DENND3: variants seen among roughly 807,000 people sequenced by gnomAD.
The protein encoded by DENND3 is DENN domain-containing protein 3.
Under a neutral mutation model 135.1 loss-of-function variants are expected in DENND3, and 88 were observed. That is an observed-to-expected ratio of 0.65 (90% CI 0.55 to 0.78). The LOEUF is 0.78. DENND3 is among the 30% of genes least tolerant of loss of function. The pLI is 0.00. For synonymous variants in DENND3, 693 were observed against 712.3 expected (o/e 0.97, Z 0.43); for missense variants, 1,392 against 1,688.4 (o/e 0.82, Z 3.08).
Position 141,172,088 on chromosome 8 carries a change from G to A in DENND3, c.2276-3112G>A, listed in dbSNP as rs753969262. ...GGCACGCTGCATAGGGTGGGTGTGC[G>A]CAGTGGTGGTGGGTGTGCACGGTGG... On this transcript the variant is annotated intron_variant, in intron 13 of 22. Transcript: ENST00000519811. Among the ~76,000 whole-genome samples the A allele has an allele frequency of 8.7e-4, 125 of 143,112 alleles. 4 individuals carry two copies. Among genetic ancestry groups the A allele is most frequent in the South Asian group, 6.9e-4 (3 of 4,360 alleles). 93.9% of individuals were successfully genotyped at this position (143,112 alleles called of 152,430 possible). A position where few individuals can be genotyped will look rare whatever the true frequency, so the allele number is the denominator to read the frequency against.
Position 141,141,068 on chromosome 8 carries a change from C to T in DENND3, c.502-135C>T. 7.3e-7 allele frequency: 1 copy of T among 1,375,702 alleles called. No individual in the cohort carries two copies. 85.2% of individuals were successfully genotyped at this position (1,375,702 alleles called of 1,614,324 possible). A position where few individuals can be genotyped will look rare whatever the true frequency, so the allele number is the denominator to read the frequency against. On this transcript the variant is annotated intron_variant, in intron 3 of 22. Transcript: ENST00000519811. This position sits in a 1 kb window ranked among gnomAD's most constrained non-coding sequence, Gnocchi z 5.3. ...GTAGACTTCGACCGGAGGGCCGGTG[C>T]TGGCTTGGACGCGTTGCAGGGGTGG...
intron 4 of DENND3, chr8:141,143,843 C>T (rs1202651202): frequency 3.8e-6 from 1 of 266,478 alleles, no homozygotes; most frequent in Non-Finnish European, 7.1e-6. Flanking sequence ...GACAAACGCA[C>T]AAATTCCAGT....
Position 141,141,325 on chromosome 8 carries a change from G to C in DENND3, c.623+1G>C, listed in dbSNP as rs751216203. On this transcript the variant is annotated splice_donor_variant, in intron 4 of 22. Coordinates refer to ENST00000519811, the MANE Select transcript of DENND3 (RefSeq NM_001352890.3). LOFTEE classifies it high-confidence loss of function. The surrounding 1 kb of genome is among the most constrained non-coding windows in gnomAD (Gnocchi z 5.3). ...ACTCCCTCAAGGACTGCCTTTCCTG[G>C]TGAGCTGGGGCACCGGGGGCCAGGG... 1 of 1,613,254 alleles carries C rather than the reference G, an allele frequency of 6.2e-7. No individual in the cohort carries two copies. The highest frequency in any genetic ancestry group is 8.5e-7 in the Non-Finnish European group (1 of 1,179,948).
chr8:141,141,089 G>T lies in DENND3; in HGVS notation c.502-114G>T. On this transcript the variant is annotated intron_variant, in intron 3 of 22. Coordinates refer to ENST00000519811, the MANE Select transcript of DENND3 (RefSeq NM_001352890.3). This position sits in a 1 kb window ranked among gnomAD's most constrained non-coding sequence, Gnocchi z 5.3. ...GGTGCTGGCTTGGACGCGTTGCAGG[G>T]GTGGGGATGGTGGACTCTCAGCTTG... The T allele has an allele frequency of 6.6e-7, 1 of 1,524,452 alleles. No individual in the cohort carries two copies. The highest frequency in any genetic ancestry group is 9.0e-7 in the Non-Finnish European group (1 of 1,114,556). The allele number at this position is 1,524,452 out of a possible 1,614,324, so 94.4% of individuals were successfully genotyped here.
intron 22 of DENND3, 120 bp downstream of exon 22, chr8:141,192,783 G>A (rs1236664526): frequency 6.3e-7 from 1 of 1,598,262 alleles, no homozygotes; most frequent in Admixed American, 1.7e-5. Context: ...CGCCTCTCAG[G>A]GTTCCCCTCC....
chr8:141,135,199 C>T lies in DENND3; in HGVS notation c.103-1310C>T, dbSNP rs531973241. ...CCAGGTCTTGCTCTTTCACCCAGGC[C>T]GGAGCGCAGTGGTGTGATCACAGCT... On this transcript the variant is annotated intron_variant, in intron 1 of 22. Transcript: ENST00000519811. Among the ~76,000 whole-genome samples, 99 of 150,194 alleles carry T rather than the reference C, an allele frequency of 6.6e-4. 1 individual carries two copies. The highest frequency in any genetic ancestry group is 1.1e-3 in the Admixed American group (16 of 15,088).
In DENND3 at chr8:141,137,686, A is replaced by G. The variant is rs1396467532; in HGVS notation, c.386-336A>G. Among the ~76,000 whole-genome samples, 1 of 152,194 alleles carries G rather than the reference A, an allele frequency of 6.6e-6. No homozygotes were observed. Among genetic ancestry groups the G allele is most frequent in the Non-Finnish European group, 1.5e-5 (1 of 68,036 alleles). ...CCGAGGTAGGAAACTCAGACGAAGC[A>G]CCTAGCATAAGCACCCACCTCAGAA... is the stretch of plus-strand genomic sequence containing the variant. On this transcript the variant is annotated intron_variant, in intron 2 of 22. Transcript: ENST00000519811. This position sits in a 1 kb window ranked among gnomAD's most constrained non-coding sequence, Gnocchi z 4.1.
rs548979677 is a variant in DENND3, at chr8:141,151,323, G to A, written c.856-296G>A. Among the ~76,000 whole-genome samples the A allele has an allele frequency of 1.4e-4, 22 of 152,316 alleles. No homozygotes were observed. The East Asian group carries it at 4.3e-3, about 29-fold the overall frequency. On this transcript the variant is annotated intron_variant, in intron 6 of 22. Coordinates refer to ENST00000519811, the MANE Select transcript of DENND3 (RefSeq NM_001352890.3). ...TGCCTGTAATCCCAGTACTTTGGGA[G>A]GCGAAGTGGAAGGATTGCTTGAGGC... is the stretch of plus-strand genomic sequence containing the variant.
Position 141,166,353 on chromosome 8 carries a change from C to T in DENND3, c.1717C>T (p.Leu573=). 1 of 1,613,220 alleles carries T rather than the reference C, an allele frequency of 6.2e-7. No individual in the cohort carries two copies. Among genetic ancestry groups the T allele is most frequent in the East Asian group, 2.2e-5 (1 of 44,880 alleles). ...ELAPRNSSLR[L]TDTAGCRGSS... ...GGCACCCAGGAACTCCTCGCTCCGG[C>T]TGACGGACACCGCAGGCTGTAGGGG... The change falls in exon 12 of 23, where the codon CTG becomes TTG. Residue 573 remains leucine (L), a synonymous_variant. Transcript: ENST00000519811. The surrounding 1 kb of genome is among the most constrained non-coding windows in gnomAD (Gnocchi z 4.3).
rs759938766 is a variant in DENND3 at position 141,180,825 on chromosome 8, A to G, written c.2915A>G (p.Gln972Arg). The change falls in exon 17 of 23, where the codon CAA becomes CGA. Residue 972 changes from glutamine (Q) to arginine (R), a missense_variant. Transcript: ENST00000519811. ...INPSAGEAFP[Q>R]AVDVLLYTPG... ...CCCTCGGCGGGGGAGGCGTTCCCAC[A>G]AGCGGTGGACGTGCTGCTCTACACT... The G allele has an allele frequency of 4.3e-6, 7 of 1,613,236 alleles. No homozygotes were observed. The East Asian group carries it at 1.6e-4, about 36-fold the overall frequency.
rs150076653 is a variant in DENND3, at chr8:141,190,398, C to T, written c.3360C>T (p.His1120=). ...PRGGLTSIRL[H]GGRLWCCTGN... ...GTGGCCTGACGTCCATCAGACTGCA[C>T]GGCGGCCGCCTGTGGTGCTGTAAGT... is the stretch of plus-strand genomic sequence containing the variant. The change falls in exon 20 of 23, where the codon CAC becomes CAT. Residue 1120 remains histidine (H), a synonymous_variant. Coordinates refer to ENST00000519811, the MANE Select transcript of DENND3 (RefSeq NM_001352890.3). The T allele has an allele frequency of 4.0e-5, 64 of 1,609,664 alleles. No homozygotes were observed. Among genetic ancestry groups the T allele is most frequent in the Admixed American group, 3.7e-4 (22 of 59,650 alleles).
In DENND3 at chr8:141,138,812, G is replaced by A. The variant is rs1045830563; in HGVS notation, c.501+675G>A. 1.3e-4 allele frequency among the ~76,000 whole-genome samples: 20 copies of A among 152,194 alleles called. No homozygotes were observed. The highest frequency in any genetic ancestry group is 3.1e-4 in the African/African-American group (13 of 41,446). ...TGTTTTGATGTTCATGTGCATGGGC[G>A]CGTGTGCCAGTGCCCCGTGGCCTTT... On this transcript the variant is annotated intron_variant, in intron 3 of 22. Transcript: ENST00000519811. The surrounding 1 kb of genome is among the most constrained non-coding windows in gnomAD (Gnocchi z 4.8).
chr8:141,171,936 T>G (rs1050432000), intron 13 of DENND3, among the ~76,000 whole-genome samples: 2 of 147,092 alleles, frequency 1.4e-5, no homozygotes, highest in Non-Finnish European at 1.5e-5. Flanking sequence ...ATGGTGGTGG[T>G]GTGCAGTGTC....
chr8:141,141,449 CG>C lies in DENND3; in HGVS notation c.623+130del. On this transcript the variant is annotated intron_variant, in intron 4 of 22. Coordinates refer to ENST00000519811, the MANE Select transcript of DENND3 (RefSeq NM_001352890.3). This position sits in a 1 kb window ranked among gnomAD's most constrained non-coding sequence, Gnocchi z 5.3. ...GCTCTCTGTTCCTCTCCTGGTGAGCCGGGGGACCGGGCGCTGGGGGCAGTAG... is the reference window on the plus strand; with the variant it reads ...GCTCTCTGTTCCTCTCCTGGTGAGCCGGGGACCGGGCGCTGGGGGCAGTAG... 2 of 1,083,834 alleles carry C rather than the reference CG, an allele frequency of 1.8e-6. No individual in the cohort carries two copies. The highest frequency in any genetic ancestry group is 1.8e-5 in the South Asian group (1 of 56,456). The allele number at this position is 1,083,834 out of a possible 1,614,324, so 67.1% of individuals were successfully genotyped here.
chr8:141,172,454 C>A (rs1472268313), intron 13 of DENND3, among the ~76,000 whole-genome samples: 1 of 152,162 alleles, frequency 6.6e-6, no homozygotes, highest in African/African-American at 2.4e-5. Context: ...ACACTGAGGT[C>A]AGCGCTGTTA....
At chr8:141,178,238 A>G in intron 16 of DENND3, 42 bp downstream of exon 16, 1 of 1,582,030 alleles carries the variant, frequency 6.3e-7, no homozygotes, top group Non-Finnish European at 8.7e-7. Context: ...TGTCCTGATT[A>G]CACGCCTTAA....
chr8:141,173,085 G>C (rs1200901007), intron 13 of DENND3, among the ~76,000 whole-genome samples: 2 of 152,208 alleles, frequency 1.3e-5, no homozygotes, highest in Non-Finnish European at 2.9e-5. Flanking sequence ...TAAAACGGAA[G>C]GGAGACTCTG....
intron 7 of DENND3, among the ~76,000 whole-genome samples, chr8:141,152,534 C>T (rs1010942779): frequency 1.3e-5 from 2 of 152,202 alleles, no homozygotes; most frequent in African/African-American, 4.8e-5. Flanking sequence ...TTTGAGACTC[C>T]TCCACGTGGT....
At chr8:141,193,908 A>G in intron 22 of DENND3, 125 bp from the exon 23 acceptor site, 3 of 1,099,086 alleles carry the variant, frequency 2.7e-6, no homozygotes, top group South Asian at 1.5e-5. Flanking sequence ...CAGGCGGCAG[A>G]GGCCCTGTCC....
Sources: allele counts gnomAD v4.1 joint callset (sites outside exome capture counted in the v4.1 genomes callset), GRCh38; gene constraint gnomAD v4.1.1; non-coding constraint Gnocchi (gnomAD v3.1); transcripts MANE v1.5; gene names NCBI Gene and HGNC (gene_info 2026-07-23, HGNC 2026-07-21).